Variants in DPP6 observed in about 807,000 individuals in gnomAD.
DPP6 encodes the protein A-type potassium channel modulatory protein DPP6.
A neutral mutation model predicts 122.6 loss-of-function variants in DPP6; 69 were observed. The ratio of observed to expected loss-of-function variants is 0.56; its 90% confidence interval spans 0.46 to 0.69. The LOEUF is 0.69. Among genes scored for constraint, DPP6 ranks in the 30% least tolerant of loss-of-function variants. DPP6 has a pLI of 0.00. For missense variants in DPP6, 928 were observed against 1,116.9 expected (o/e 0.83, Z 2.41); for synonymous variants, 418 against 433.1 (o/e 0.97, Z 0.43).
In DPP6 at chr7:154,501,762, C is replaced by T. The variant is rs557675085; in HGVS notation, c.457+26725C>T. 5.9e-5 allele frequency among the ~76,000 whole-genome samples: 9 copies of T among 152,258 alleles called. No individual in the cohort carries two copies. The South Asian group carries it at 6.2e-4, about 11-fold the overall frequency. On this transcript the variant is annotated intron_variant, in intron 3 of 25. Coordinates refer to ENST00000377770, the MANE Select transcript of DPP6 (RefSeq NM_130797.4). ...GAAGGAAAATGTGGGGTTGGAGCCC[C>T]GACACAGAATCCCTACTGGGGCACT...
At chr7:154,071,523 G>A (rs71540594) in intron 1 of DPP6, among the ~76,000 whole-genome samples, 43,170 of 150,696 alleles carry the variant, frequency 0.29, 5,710 homozygotes, top group East Asian at 0.42. Context: ...GACTAAGATG[G>A]GGAAAAACTT....
intron 3 of DPP6, among the ~76,000 whole-genome samples, chr7:154,502,257 C>T (rs1825314483): frequency 6.6e-6 from 1 of 152,080 alleles, no homozygotes; most frequent in African/African-American, 2.4e-5. Context: ...GGAGTTAATG[C>T]TGAAATGAGT....
At chr7:154,789,323 C>T (rs1389391164) in intron 10 of DPP6, among the ~76,000 whole-genome samples, 1 of 152,128 alleles carries the variant, frequency 6.6e-6, no homozygotes, top group Admixed American at 6.5e-5. Flanking sequence ...TCCTTAACAC[C>T]CATTTAGCAA....
At chr7:154,417,949 G>A (rs769560964) in intron 1 of DPP6, among the ~76,000 whole-genome samples, 4 of 152,284 alleles carry the variant, frequency 2.6e-5, no homozygotes, top group Non-Finnish European at 4.4e-5. Context: ...AAAATCATTT[G>A]TGTCTCTCCA....
chr7:154,696,966 G>A (rs1840254529), intron 7 of DPP6, among the ~76,000 whole-genome samples: 2 of 156 alleles, frequency 0.013, no homozygotes, highest in Non-Finnish European at 0.018. Flanking sequence ...CAGCCCCTGA[G>A]AGAGTACGAT....
At chr7:154,060,611 CTGG>C (rs1801649902) in intron 1 of DPP6, among the ~76,000 whole-genome samples, 4 of 101,842 alleles carry the variant, frequency 3.9e-5, no homozygotes, top group Non-Finnish European at 4.3e-5. Flanking sequence ...CTTCCCCCCC[CTGG>C]CTCTGAGGAC....
intron 1 of DPP6, among the ~76,000 whole-genome samples, chr7:154,194,212 T>C (rs1798751370): frequency 6.6e-6 from 1 of 152,078 alleles, no homozygotes; most frequent in Non-Finnish European, 1.5e-5. Flanking sequence ...CTTCCTATGG[T>C]AAGGGCAGCT....
intron 2 of DPP6, among the ~76,000 whole-genome samples, chr7:154,451,856 C>T (rs533896581): frequency 6.6e-6 from 1 of 152,332 alleles, no homozygotes; most frequent in South Asian, 2.1e-4. Flanking sequence ...CTGGGCTGTG[C>T]TGCCCTGGGA....
At chr7:154,420,709 C>T (rs767467473) in intron 1 of DPP6, among the ~76,000 whole-genome samples, 6 of 152,030 alleles carry the variant, frequency 3.9e-5, no homozygotes, top group Non-Finnish European at 8.8e-5. Context: ...TAAATGTTCT[C>T]ACAACAAAAA....
At chr7:154,183,557 A>C (rs1798201903) in intron 1 of DPP6, among the ~76,000 whole-genome samples, 2 of 152,120 alleles carry the variant, frequency 1.3e-5, no homozygotes, top group African/African-American at 2.4e-5. Context: ...CTGCGCAGAG[A>C]GCCTCAGCAT....
chr7:154,336,790 G>C (rs906915348), intron 1 of DPP6, among the ~76,000 whole-genome samples: 45 of 152,228 alleles, frequency 3.0e-4, no homozygotes, highest in African/African-American at 1.1e-3. Context: ...TGGTCGGAGT[G>C]GGGAAGAGGA....
At chr7:154,777,552 C>T (rs1260271564) in intron 10 of DPP6, among the ~76,000 whole-genome samples, 2 of 152,182 alleles carry the variant, frequency 1.3e-5, no homozygotes, top group Non-Finnish European at 2.9e-5. Context: ...AACCCAGCTG[C>T]ACTGATAAAA....
chr7:153,896,478 G>C lies in DPP6; in HGVS notation c.51+8744G>C, dbSNP rs1799420060. 2.6e-5 allele frequency among the ~76,000 whole-genome samples: 4 copies of C among 151,874 alleles called. No individual in the cohort carries two copies. The South Asian group carries it at 8.3e-4, about 32-fold the overall frequency. On this transcript the variant is annotated intron_variant, in intron 1 of 25. Coordinates refer to the DPP6 transcript ENST00000404039. ...TTTGATTGTGGACTACATTTTCTATGATGAGGTAAAAATGAATTAACACAT... is the reference window on the plus strand; with the variant it reads ...TTTGATTGTGGACTACATTTTCTATCATGAGGTAAAAATGAATTAACACAT...
intron 1 of DPP6, among the ~76,000 whole-genome samples, chr7:153,930,020 G>T (rs1449702676): frequency 4.6e-5 from 7 of 152,170 alleles, no homozygotes; most frequent in Non-Finnish European, 1.0e-4. Flanking sequence ...ATTCATCAGT[G>T]AGTCTGACTC....
At chr7:154,840,194 C>T (rs1351586067) in intron 16 of DPP6, among the ~76,000 whole-genome samples, 1 of 152,222 alleles carries the variant, frequency 6.6e-6, no homozygotes, top group Non-Finnish European at 1.5e-5. Flanking sequence ...CCATTGCTTG[C>T]AGGTAGTGAC....
intron 1 of DPP6, among the ~76,000 whole-genome samples, chr7:154,007,233 T>C (rs1331368706): frequency 2.0e-5 from 3 of 152,258 alleles, no homozygotes; most frequent in Non-Finnish European, 4.4e-5. Context: ...CGATGTATCT[T>C]TGGGCTTCTT....
intron 1 of DPP6, among the ~76,000 whole-genome samples, chr7:154,352,256 G>T (rs1311305005): frequency 6.6e-6 from 1 of 152,110 alleles, no homozygotes; most frequent in Non-Finnish European, 1.5e-5. Context: ...GAGGTCAGGA[G>T]ATCGAGACCA....
chr7:154,016,364 T>C (rs1798417770), intron 1 of DPP6, among the ~76,000 whole-genome samples: 1 of 151,786 alleles, frequency 6.6e-6, no homozygotes, highest in Non-Finnish European at 1.5e-5. Context: ...ATAACAATTT[T>C]AAAAATGGAA....
At chr7:154,119,369 C>T (rs1563217295) in intron 1 of DPP6, among the ~76,000 whole-genome samples, 1 of 152,068 alleles carries the variant, frequency 6.6e-6, no homozygotes, top group African/African-American at 2.4e-5. Context: ...AACAAGTGGC[C>T]GGGTTCCCAT....
Sources: allele counts gnomAD v4.1 joint callset (sites outside exome capture counted in the v4.1 genomes callset), GRCh38; gene constraint gnomAD v4.1.1; transcripts MANE v1.5; gene names NCBI Gene and HGNC (gene_info 2026-07-23, HGNC 2026-07-21).